The following PDE1C variants were observed in gnomAD, a reference collection of about 807,000 sequenced individuals.
The protein encoded by PDE1C is dual specificity calcium/calmodulin-dependent 3',5'-cyclic nucleotide phosphodiesterase 1C.
A neutral mutation model predicts 93.1 loss-of-function variants in PDE1C; 62 were observed. That is an observed-to-expected ratio of 0.67 (90% CI 0.54 to 0.82). The LOEUF is 0.82. PDE1C is among the 40% of genes least tolerant of loss of function. The probability of loss-of-function intolerance (pLI) is 0.00; values close to 1 mark genes in which losing one functional copy is unlikely to be tolerated. For synonymous variants in PDE1C, 325 were observed against 310.1 expected, an observed-to-expected ratio of 1.05 and a Z score of -0.50; for missense variants, 742 against 884.6, an observed-to-expected ratio of 0.84 and a Z score of 2.04.
intron 15 of PDE1C, among the ~76,000 whole-genome samples, chr7:31,812,394 T>A (rs1562845299): frequency 6.6e-6 from 1 of 152,112 alleles, no homozygotes; most frequent in African/African-American, 2.4e-5. Context: ...TATCCTTCTT[T>A]GTGACTAGCT....
chr7:32,012,318 G>T (rs1267608259), intron 2 of PDE1C, among the ~76,000 whole-genome samples: 1 of 152,068 alleles, frequency 6.6e-6, no homozygotes, highest in Non-Finnish European at 1.5e-5. Flanking sequence ...CAGAGTCAGG[G>T]GTGGAGATAC....
At chr7:31,749,748 TTTTA>T (rs1562734036), downstream of PDE1C, among the ~76,000 whole-genome samples, 1 of 147,240 alleles carries the variant, frequency 6.8e-6, no homozygotes, top group African/African-American at 2.5e-5. Context: ...TTTTTTTTTT[TTTTA>T]TTTGAGACAG....
chr7:32,106,181 C>T (rs1370113032), intron 3 of PDE1C, among the ~76,000 whole-genome samples: 2 of 151,956 alleles, frequency 1.3e-5, no homozygotes, highest in East Asian at 3.9e-4. Flanking sequence ...CTCGGCTAAT[C>T]TTTTATTTAT....
chr7:32,390,541 GAAAAAAAA>G (rs753651084), intron 1 of PDE1C, among the ~76,000 whole-genome samples: 33 of 93,066 alleles, frequency 3.5e-4, no homozygotes, highest in African/African-American at 1.1e-3. Context: ...AGTGATCATT[GAAAAAAAA>G]AAAAAAAAAA....
At chr7:32,147,260 GAAAGAAAGAA>G (rs1800905867) in intron 3 of PDE1C, among the ~76,000 whole-genome samples, 2 of 76,114 alleles carry the variant, frequency 2.6e-5, no homozygotes, top group Non-Finnish European at 5.1e-5. Context: ...AGAAAAGAAA[GAAAGAAAGAA>G]AAAAAGAAAG....
the PDE1C span, among the ~76,000 whole-genome samples, chr7:31,730,415 G>A: frequency 6.6e-6 from 1 of 152,152 alleles, no homozygotes; most frequent in Non-Finnish European, 1.5e-5. Context: ...GTGCTCTGCA[G>A]TGTCATCCCA....
intron 2 of PDE1C, among the ~76,000 whole-genome samples, chr7:31,885,851 C>A (rs1221059901): frequency 6.6e-6 from 1 of 152,216 alleles, no homozygotes; most frequent in Non-Finnish European, 1.5e-5. Flanking sequence ...AGCCCTATAA[C>A]CCTATGCCTT....
chr7:32,267,834 C>T (rs1256330179), intron 1 of PDE1C, among the ~76,000 whole-genome samples: 1 of 152,168 alleles, frequency 6.6e-6, no homozygotes, highest in Non-Finnish European at 1.5e-5. Context: ...CCCCTCCATC[C>T]ATGGAGCATA....
At chr7:32,242,099 T>G (rs566000136) in intron 1 of PDE1C, among the ~76,000 whole-genome samples, 1 of 152,262 alleles carries the variant, frequency 6.6e-6, no homozygotes, top group Non-Finnish European at 1.5e-5. Context: ...TTATAAGATT[T>G]GTGGTCATGA....
intron 2 of PDE1C, among the ~76,000 whole-genome samples, chr7:32,018,995 A>C (rs1788284495): frequency 1.3e-5 from 2 of 151,928 alleles, no homozygotes; most frequent in Admixed American, 1.3e-4. Flanking sequence ...TGCTATATTC[A>C]CACCCCCACC....
In PDE1C at chr7:32,298,511, G is replaced by A. The variant is rs1347151758; in HGVS notation, c.85+140C>T. 28 of 1,027,770 alleles carry A rather than the reference G, an allele frequency of 2.7e-5. No individual in the cohort carries two copies. The East Asian group carries it at 4.8e-4, about 18-fold the overall frequency. 63.7% of individuals were successfully genotyped at this position (1,027,770 alleles called of 1,614,324 possible). A position where few individuals can be genotyped will look rare whatever the true frequency, so the allele number is the denominator to read the frequency against. On this transcript the variant is annotated intron_variant, in intron 1 of 18. Transcript: ENST00000396193. ...CTGTCCCGACCCAGTCGCCGCTCCC[G>A]GGGGCTCCCGCCCGGAGAGCACCCT...
rs530217894 is a variant in PDE1C at position 32,027,766 on chromosome 7, C to T, written c.128+23788G>A. Among the ~76,000 whole-genome samples the T allele has an allele frequency of 7.3e-5, 11 of 150,858 alleles. 1 individual carries two copies. The South Asian group carries it at 2.3e-3, about 32-fold the overall frequency. ...CAAAAAAAAAAACTTTTAAAAAAAT[C>T]TGCTGTCTATTAGGCTAATCTAGTG... On this transcript the variant is annotated intron_variant, in intron 2 of 17. Coordinates refer to ENST00000396191, the MANE Select transcript of PDE1C (RefSeq NM_001191057.4).
intron 1 of PDE1C, chr7:32,298,639 G>T: frequency 6.3e-7 from 1 of 1,598,074 alleles, no homozygotes; most frequent in South Asian, 1.1e-5. Flanking sequence ...GAGAGGGGTG[G>T]AAAGTTCTCA....
the PDE1C span, among the ~76,000 whole-genome samples, chr7:31,714,908 G>T: frequency 1.3e-5 from 2 of 152,230 alleles, no homozygotes; most frequent in South Asian, 4.2e-4. Flanking sequence ...CCAAGATGAG[G>T]ACCTCACAGA....
intron 2 of PDE1C, among the ~76,000 whole-genome samples, chr7:32,171,130 T>C (rs1450548775): frequency 6.6e-6 from 1 of 152,182 alleles, no homozygotes; most frequent in African/African-American, 2.4e-5. Context: ...ATGGAAGCCC[T>C]CTCCTGGGAA....
At chr7:32,313,383 C>T (rs1783097521) in intron 1 of PDE1C, among the ~76,000 whole-genome samples, 1 of 151,726 alleles carries the variant, frequency 6.6e-6, no homozygotes, top group South Asian at 2.1e-4. Flanking sequence ...TACCATTTGA[C>T]TCAGCCATCC....
chr7:31,856,804 C>T (rs1185871657), intron 7 of PDE1C, among the ~76,000 whole-genome samples: 1 of 151,522 alleles, frequency 6.6e-6, no homozygotes, highest in Admixed American at 6.6e-5. Context: ...GTTGCTCGGG[C>T]TGCCATAACA....
At chr7:32,275,543 A>T (rs1034953083) in intron 1 of PDE1C, among the ~76,000 whole-genome samples, 3 of 152,154 alleles carry the variant, frequency 2.0e-5, no homozygotes, top group Non-Finnish European at 4.4e-5. Context: ...AGAGTTTGAC[A>T]TCAAACAAAT....
rs1326527387 is a variant in PDE1C at position 32,160,401 on chromosome 7, G to C, written c.308+9384C>G. On this transcript the variant is annotated intron_variant, in intron 3 of 18. Transcript: ENST00000396193. ...TCACACATCTTGGGGTATTGACAAAGTTGCAGCCCTGTTACACGGGTATTT... is the reference window on the plus strand; with the variant it reads ...TCACACATCTTGGGGTATTGACAAACTTGCAGCCCTGTTACACGGGTATTT... Among the ~76,000 whole-genome samples, 3 of 152,212 alleles carry C rather than the reference G, an allele frequency of 2.0e-5. No individual in the cohort carries two copies. The East Asian group carries it at 5.8e-4, about 29-fold the overall frequency.
Sources: gnomAD v4.1 joint callset for allele counts (sites outside exome capture counted in the v4.1 genomes callset) on GRCh38, gnomAD v4.1.1 for gene constraint, MANE v1.5 for transcripts, NCBI Gene and HGNC (gene_info 2026-07-23, HGNC 2026-07-21) for gene names.